The following CACNA1E variants were observed in gnomAD, a reference collection of about 807,000 sequenced individuals.
The protein encoded by CACNA1E is voltage-dependent R-type calcium channel subunit alpha-1E.
A neutral mutation model predicts 259.2 loss-of-function variants in CACNA1E; 40 were observed. The ratio of observed to expected loss-of-function variants is 0.15; its 90% CI spans 0.12 to 0.20. The LOEUF is 0.20. CACNA1E is among the 10% of genes least tolerant of loss of function. The pLI is 1.00. For missense variants in CACNA1E, 1,874 were observed against 3,040.1 expected (o/e 0.62, Z 9.02); for synonymous variants, 1,104 against 1,138.5 (o/e 0.97, Z 0.61).
At position 181,485,231 on chromosome 1, in the gene CACNA1E, G is replaced by A. The variant is rs1201815087; in HGVS notation, c.266+1221G>A. 6.6e-6 allele frequency among the ~76,000 whole-genome samples: 1 copy of A among 152,186 alleles called. No homozygotes were observed. The highest frequency in any genetic ancestry group is 1.5e-5 in the Non-Finnish European group (1 of 68,034). ...TCTTTCCCACCCCCACCGTCCAGGT[G>A]TGCAGCAGTGAGGCAGCTGGAGCTG... On this transcript the variant is annotated intron_variant, in intron 1 of 47. Transcript: ENST00000367573. This position sits in a 1 kb window ranked among gnomAD's most constrained non-coding sequence, Gnocchi z 4.2.
At chr1:181,350,504 G>T (rs1363677224) in intron 1 of CACNA1E, among the ~76,000 whole-genome samples, 2 of 152,090 alleles carry the variant, frequency 1.3e-5, no homozygotes, top group African/African-American at 2.4e-5. Flanking sequence ...GTGTCAGCTG[G>T]CTCCACGTCT....
intron 2 of CACNA1E, among the ~76,000 whole-genome samples, chr1:181,415,941 C>T (rs547032940): frequency 3.3e-5 from 5 of 152,338 alleles, no homozygotes; most frequent in South Asian, 4.1e-4. Flanking sequence ...GCCAATACTA[C>T]AGCACTGGGT....
At chr1:181,399,216 G>GT (rs563079552) in intron 1 of CACNA1E, among the ~76,000 whole-genome samples, 12,527 of 138,570 alleles carry the variant, frequency 0.09, 917 homozygotes, top group African/African-American at 0.2. Flanking sequence ...AGTTTAGAGA[G>GT]TTTTTTTTTT....
chr1:181,495,349 C>T (rs983567944), intron 1 of CACNA1E, among the ~76,000 whole-genome samples: 1 of 152,190 alleles, frequency 6.6e-6, no homozygotes, highest in Non-Finnish European at 1.5e-5. Flanking sequence ...CTGTGTGCCT[C>T]AGGCAACCTG....
In CACNA1E at chr1:181,571,166, C is replaced by T. The variant is rs193136540; in HGVS notation, c.513-6600C>T. 3.5e-3 allele frequency among the ~76,000 whole-genome samples: 526 copies of T among 152,268 alleles called. 5 individuals are homozygous for T. Among genetic ancestry groups the T allele is most frequent in the African/African-American group, 0.012 (516 of 41,530 alleles). On this transcript the variant is annotated intron_variant, in intron 3 of 47. Coordinates refer to ENST00000367573, the MANE Select transcript of CACNA1E (RefSeq NM_001205293.3). ...AACTTTCTTAGGAAGGCACTATCTCCTTTTTCCAGGTAAGAAAACTGTAGC... is the reference window on the plus strand; with the variant it reads ...AACTTTCTTAGGAAGGCACTATCTCTTTTTTCCAGGTAAGAAAACTGTAGC...
At position 181,476,871 on chromosome 1, in the gene CACNA1E, T is replaced by C. The variant is rs115725063; in HGVS notation, c.435-6873T>C. 5.2e-3 allele frequency among the ~76,000 whole-genome samples: 795 copies of C among 152,152 alleles called. 6 individuals carry two copies. The highest frequency in any genetic ancestry group is 0.018 in the African/African-American group (760 of 41,518). ...ACTTTGCCTTGGCTGAGCAGCAAGG[T>C]TGGGCCCTGAGGGTGGGAAGGGAGG... On this transcript the variant is annotated intron_variant, in intron 2 of 11. Coordinates refer to the CACNA1E transcript ENST00000524607.
chr1:181,753,991 C>A (rs956800180), intron 27 of CACNA1E, among the ~76,000 whole-genome samples: 1 of 152,196 alleles, frequency 6.6e-6, no homozygotes, highest in Admixed American at 6.5e-5. Flanking sequence ...CGCCTTCCCC[C>A]CTGGAGGAAG....
rs759787187 is a variant in CACNA1E, at chr1:181,580,674, C to T, written c.849C>T (p.Ile283=). The change falls in exon 6 of 48, where the codon ATC becomes ATT. Residue 283 remains isoleucine, a synonymous_variant. Coordinates refer to ENST00000367573, the MANE Select transcript of CACNA1E (RefSeq NM_001205293.3). The part of the protein sequence containing the change: ...CPAGYECKDW[I]GPNDGITQFD... Reference sequence around the variant, plus strand: ...CTGGTTATGAATGCAAGGACTGGATCGGCCCCAATGATGGGATCACCCAGT... The same window carrying T: ...CTGGTTATGAATGCAAGGACTGGATTGGCCCCAATGATGGGATCACCCAGT... 5.6e-6 allele frequency: 9 copies of T among 1,613,872 alleles called. No homozygotes were observed. The highest frequency in any genetic ancestry group is 2.2e-5 in the East Asian group (1 of 44,894).
chr1:181,657,616 G>C (rs996114731), intron 7 of CACNA1E, among the ~76,000 whole-genome samples: 2 of 152,182 alleles, frequency 1.3e-5, no homozygotes, highest in African/African-American at 4.8e-5. Context: ...ACACACAAAA[G>C]TGTAGGACGA....
At chr1:181,614,796 C>T (rs1007487918) in intron 6 of CACNA1E, among the ~76,000 whole-genome samples, 3 of 152,148 alleles carry the variant, frequency 2.0e-5, no homozygotes, top group Non-Finnish European at 4.4e-5. Context: ...TTAATATCTA[C>T]ATATATTTTG....
Position 181,758,995 on chromosome 1 carries a change from G to C in CACNA1E, c.4605+127G>C. 1 of 626,194 alleles carries C rather than the reference G, an allele frequency of 1.6e-6. No individual in the cohort carries two copies. The allele number at this position is 626,194 out of a possible 1,614,324, so 38.8% of individuals were successfully genotyped here. On this transcript the variant is annotated intron_variant, in intron 32 of 47. Coordinates refer to ENST00000367573, the MANE Select transcript of CACNA1E (RefSeq NM_001205293.3). The surrounding 1 kb of genome is among the most constrained non-coding windows in gnomAD (Gnocchi z 4.2). The stretch of plus-strand genomic sequence containing the variant: ...ACCCACCTAGATGTGGGCTCGTTTT[G>C]ACTGCTCAGTAAACTGCCGTAGAGA...
intron 43 of CACNA1E, among the ~76,000 whole-genome samples, chr1:181,789,602 A>G (rs1237565059): frequency 3.9e-5 from 6 of 152,162 alleles, no homozygotes; most frequent in African/African-American, 1.2e-4. Flanking sequence ...GATGGTAGCT[A>G]TTACCATACT....
intron 7 of CACNA1E, among the ~76,000 whole-genome samples, chr1:181,662,076 C>A (rs908279511): frequency 6.6e-6 from 1 of 152,100 alleles, no homozygotes. Context: ...GTGGGGTGTT[C>A]ATAATTCCTA....
rs1558308980 is a variant in CACNA1E, at chr1:181,724,486, G to C, written c.2091G>C (p.Val697=). The C allele has an allele frequency of 6.2e-7, 1 of 1,613,482 alleles. No individual in the cohort carries two copies. Among genetic ancestry groups the C allele is most frequent in the Middle Eastern group, 1.6e-4 (1 of 6,062 alleles). ...TLFGNYTLLN[V]FLAIAVDNLA... ...TCACCCCAGACACGCTACTGAATGT[G>C]TTCTTGGCTATCGCTGTGGATAATC... Residue 697 remains valine (V), a synonymous_variant, in exon 17 of 48, where the codon GTG becomes GTC. Transcript: ENST00000367573.
At chr1:181,455,265 A>G (rs1264516120) in intron 2 of CACNA1E, among the ~76,000 whole-genome samples, 17 of 152,216 alleles carry the variant, frequency 1.1e-4, no homozygotes, top group Non-Finnish European at 2.5e-4. Context: ...TGGTGGGCAC[A>G]AAAGTCCAGA....
At chr1:181,333,671 T>G (rs6662399) in intron 1 of CACNA1E, among the ~76,000 whole-genome samples, 12,902 of 152,188 alleles carry the variant, frequency 0.085, 630 homozygotes, top group African/African-American at 0.12. Context: ...CTTTTTTTTT[T>G]TTGAGACGGA....
intron 3 of CACNA1E, among the ~76,000 whole-genome samples, chr1:181,556,891 T>C (rs538546060): frequency 6.6e-6 from 1 of 152,278 alleles, no homozygotes; most frequent in South Asian, 2.1e-4. Context: ...ATTTGCTAGT[T>C]TATAGCCTTT....
chr1:181,321,284 C>T (rs1650322152), intron 1 of CACNA1E, among the ~76,000 whole-genome samples: 1 of 152,148 alleles, frequency 6.6e-6, no homozygotes, highest in East Asian at 1.9e-4. Flanking sequence ...TGTGTGTCTT[C>T]CACTTTTTGC....
chr1:181,550,229 C>T (rs187270286), intron 3 of CACNA1E, among the ~76,000 whole-genome samples: 1 of 152,094 alleles, frequency 6.6e-6, no homozygotes, highest in Non-Finnish European at 1.5e-5. Context: ...AAGATGAATC[C>T]CAAGTGTAGG....
Sources: allele counts gnomAD v4.1 joint callset (sites outside exome capture counted in the v4.1 genomes callset), GRCh38; gene constraint gnomAD v4.1.1; non-coding constraint Gnocchi (gnomAD v3.1); transcripts MANE v1.5; gene names NCBI Gene and HGNC (gene_info 2026-07-23, HGNC 2026-07-21).